GEN1: variants seen among roughly 807,000 people sequenced by gnomAD.
The protein encoded by GEN1 is flap endonuclease GEN homolog 1.
A neutral mutation model predicts 67.6 loss-of-function variants in GEN1; 64 were observed. The ratio of observed to expected loss-of-function variants is 0.95; its 90% CI spans 0.77 to 1.17. The LOEUF is 1.17. Ranked by LOEUF, GEN1 falls within the 50% of genes most tolerant of loss-of-function variation. The pLI, the probability that GEN1 is intolerant of heterozygous loss-of-function variation, is 0.00. For missense variants in GEN1, 1,058 were observed against 1,048.3 expected, an observed-to-expected ratio of 1.01 and a Z score of -0.13; for synonymous variants, 371 against 359.4, an observed-to-expected ratio of 1.03 and a Z score of -0.37.
chr2:17,764,133 A>C (rs189736247), intron 3 of GEN1, among the ~76,000 whole-genome samples: 2 of 152,372 alleles, frequency 1.3e-5, no homozygotes, highest in Non-Finnish European at 2.9e-5. Flanking sequence ...TTATTTGTGC[A>C]TCAGCAAAAT....
At chr2:17,755,562 G>C (rs897456002) in intron 1 of GEN1, 2 of 152,138 alleles carry the variant, frequency 1.3e-5, no homozygotes, top group African/African-American at 4.8e-5. Context: ...AGATTATGTG[G>C]TAAATCCCTT....
chr2:17,778,283 C>CATATATGTATAT lies in GEN1; in HGVS notation c.1264+221_1264+222insTATATGTATATA, dbSNP rs1558409094. On this transcript the variant is annotated intron_variant, in intron 12 of 13. Transcript: ENST00000381254. ...ATATGTGTGTACATATATGTATATA[C>CATATATGTATAT]ACACACATGTGTGTGTACATATATG... Among the ~76,000 whole-genome samples the CATATATGTATAT allele has an allele frequency of 2.5e-4, 29 of 114,396 alleles. 1 individual carries two copies. The highest frequency in any genetic ancestry group is 1.2e-3 in the African/African-American group (26 of 22,010). The allele number at this position is 114,396 out of a possible 152,430, so 75.0% of individuals were successfully genotyped here.
At chr2:17,773,851 G>A (rs1416160500) in intron 10 of GEN1, among the ~76,000 whole-genome samples, 1 of 152,070 alleles carries the variant, frequency 6.6e-6, no homozygotes, top group Non-Finnish European at 1.5e-5. Flanking sequence ...ACAAGTACCA[G>A]CTGTAAGTAA....
At position 17,760,047 on chromosome 2, in the gene GEN1, T is replaced by G; in HGVS notation, c.104T>G (p.Val35Gly). ...ATTGCAGTTGATCTGAGTCTCTGGGTGTGTGAGGCACAGACAGTCAAAAAA... is the reference window on the plus strand; with the variant it reads ...ATTGCAGTTGATCTGAGTCTCTGGGGGTGTGAGGCACAGACAGTCAAAAAA... ...KTIAVDLSLW[V>G]CEAQTVKKMM... is the part of the protein sequence containing the mutation. The change falls in exon 2 of 14, where the codon GTG becomes GGG. Residue 35 changes from valine (V) to glycine (G), a missense_variant. Coordinates refer to ENST00000381254, the MANE Select transcript of GEN1 (RefSeq NM_001130009.3). 1 of 1,614,132 alleles carries G rather than the reference T, an allele frequency of 6.2e-7. No homozygotes were observed. The highest frequency in any genetic ancestry group is 8.5e-7 in the Non-Finnish European group (1 of 1,180,006).
chr2:17,757,202 C>G (rs1374196748), intron 1 of GEN1, among the ~76,000 whole-genome samples: 2 of 145,802 alleles, frequency 1.4e-5, no homozygotes, highest in African/African-American at 2.5e-5. Flanking sequence ...TAAAAGCCCT[C>G]TTTATCTTGC....
chr2:17,768,515 C>T (rs1210988863), intron 5 of GEN1, among the ~76,000 whole-genome samples: 1 of 152,176 alleles, frequency 6.6e-6, no homozygotes, highest in African/African-American at 2.4e-5. Context: ...TTTTTGTTTA[C>T]ATAGATAACA....
Position 17,787,167 on chromosome 2 carries a change from A to T in GEN1, c.*5228A>T, listed in dbSNP as rs1416049217. On this transcript the variant is annotated 3_prime_UTR_variant, in exon 14 of 14. Transcript: ENST00000381254. ...TAACTTTATAATCCCAAGCAGAATT[A>T]TTTGCTCTATACGTGTCCCCAAAGA... 1 of 152,180 alleles carries T rather than the reference A, an allele frequency of 6.6e-6. No homozygotes were observed. Among genetic ancestry groups the T allele is most frequent in the African/African-American group, 2.4e-5 (1 of 41,442 alleles). 9.4% of individuals were successfully genotyped at this position (152,180 alleles called of 1,614,324 possible).
Position 17,778,060 on chromosome 2 carries a change from C to T in GEN1, c.1261C>T (p.Pro421Ser). 1.3e-6 allele frequency: 2 copies of T among 1,582,900 alleles called. No homozygotes were observed. The highest frequency in any genetic ancestry group is 1.7e-6 in the Non-Finnish European group (2 of 1,154,614). ...VHCFEIEWEK[P>S]EHYAMEDKQH... Reference sequence around the variant, plus strand: ...TTGTTTTGAAATAGAATGGGAAAAGCCTGGTATGTATTCACTTTAAGCAAA... The same window carrying T: ...TTGTTTTGAAATAGAATGGGAAAAGTCTGGTATGTATTCACTTTAAGCAAA... Residue 421 changes from proline to serine, a missense_variant, in exon 12 of 14, where the codon CCT (proline) becomes TCT (serine). Coordinates refer to ENST00000381254, the MANE Select transcript of GEN1 (RefSeq NM_001130009.3).
Position 17,759,987 on chromosome 2 carries a change from A to C in GEN1, c.44A>C (p.Gln15Pro), listed in dbSNP as rs1671597417. Residue 15 changes from glutamine (Q) to proline (P), a missense_variant, in exon 2 of 14, where the codon CAA (glutamine) becomes CCA (proline). By Grantham distance (76) the Gln-to-Pro change is moderately conservative (BLOSUM62 -1). Transcript: ENST00000381254. The part of the protein sequence containing the change: ...DLWQILEPVK[Q>P]HIPLRNLGGK... Reference sequence around the variant, plus strand: ...TGGCAAATTTTGGAGCCTGTTAAGCAACACATCCCCTTGCGTAATCTTGGT... The same window carrying C: ...TGGCAAATTTTGGAGCCTGTTAAGCCACACATCCCCTTGCGTAATCTTGGT... 6 of 1,614,096 alleles carry C rather than the reference A, an allele frequency of 3.7e-6. No homozygotes were observed. In the East Asian group the frequency reaches 1.3e-4, roughly 36 times the overall value.
At chr2:17,770,425 T>G (rs893946806) in intron 6 of GEN1, among the ~76,000 whole-genome samples, 1 of 152,150 alleles carries the variant, frequency 6.6e-6, no homozygotes, top group Non-Finnish European at 1.5e-5. Flanking sequence ...ATAGTAACTC[T>G]TAAGTACCAG....
At chr2:17,760,515 A>G (rs894837435) in intron 2 of GEN1, among the ~76,000 whole-genome samples, 3 of 152,182 alleles carry the variant, frequency 2.0e-5, no homozygotes, top group South Asian at 2.1e-4. Context: ...CTCATCTCTC[A>G]TCTATACTCC....
intron 6 of GEN1, among the ~76,000 whole-genome samples, chr2:17,770,307 T>G (rs974569456): frequency 6.6e-6 from 1 of 152,196 alleles, no homozygotes; most frequent in African/African-American, 2.4e-5. Context: ...CTCTCAGTTA[T>G]TTTTAATTTT....
intron 2 of GEN1, 30 bp from the exon 3 acceptor site, chr2:17,761,366 A>T: frequency 8.1e-7 from 1 of 1,229,594 alleles, no homozygotes; most frequent in Non-Finnish European, 1.2e-6. Flanking sequence ...GTGTTTGATG[A>T]TTAATGTATT....
chr2:17,773,402 C>A, intron 10 of GEN1, 103 bp downstream of exon 10: 1 of 683,888 alleles, frequency 1.5e-6, no homozygotes, highest in Non-Finnish European at 2.5e-6. Context: ...AAAATTAAAA[C>A]AGGCAGCTCT....
chr2:17,756,815 T>C (rs1671453721), intron 1 of GEN1, among the ~76,000 whole-genome samples: 1 of 152,206 alleles, frequency 6.6e-6, no homozygotes, highest in Non-Finnish European at 1.5e-5. Context: ...AACCATCTGT[T>C]CTATCTTTCA....
intron 6 of GEN1, among the ~76,000 whole-genome samples, chr2:17,770,691 GA>G (rs1672139371): frequency 6.6e-6 from 1 of 151,934 alleles, no homozygotes; most frequent in Non-Finnish European, 1.5e-5. Flanking sequence ...AAGAGATTAA[GA>G]AATGATTATT....
At chr2:17,770,873 T>G (rs1672149921) in intron 6 of GEN1, among the ~76,000 whole-genome samples, 1 of 146,600 alleles carries the variant, frequency 6.8e-6, no homozygotes, top group African/African-American at 2.6e-5. Context: ...AACTTAAGAT[T>G]CTTCAAAAAA....
chr2:17,773,558 G>A (rs1672290817), intron 10 of GEN1, among the ~76,000 whole-genome samples: 1 of 151,952 alleles, frequency 6.6e-6, no homozygotes, highest in African/African-American at 2.4e-5. Context: ...ATATTTTGGG[G>A]GAAGAGGGTT....
chr2:17,753,828 T>G (rs1671243532), upstream of GEN1: 2 of 143,424 alleles, frequency 1.4e-5, no homozygotes, highest in Non-Finnish European at 3.1e-5. Flanking sequence ...CGCCCCGCCC[T>G]CCCTCCCTTC....
Sources: allele counts gnomAD v4.1 joint callset (sites outside exome capture counted in the v4.1 genomes callset), GRCh38; gene constraint gnomAD v4.1.1; transcripts MANE v1.5; gene names NCBI Gene and HGNC (gene_info 2026-07-23, HGNC 2026-07-21).